DENND6B: variants seen among roughly 807,000 people sequenced by gnomAD.
DENND6B encodes DENN domain containing 6B.
Under a neutral mutation model 85.1 loss-of-function variants are expected in DENND6B, and 73 were observed. The ratio of observed to expected loss-of-function variants is 0.86; its 90% CI spans 0.71 to 1.04. The LOEUF is 1.04. DENND6B is among the 50% of genes least tolerant of loss of function. The pLI, the probability that DENND6B is intolerant of heterozygous loss-of-function variation, is 0.00. For synonymous variants in DENND6B, 357 were observed against 329.3 expected (o/e 1.08, Z -0.91); for missense variants, 715 against 785.8 (o/e 0.91, Z 1.08).
intron 13 of DENND6B, 81 bp from the exon 14 acceptor site, chr22:50,313,959 TG>T (rs1026950250): frequency 3.2e-5 from 47 of 1,475,904 alleles, no homozygotes; most frequent in Non-Finnish European, 4.0e-5. Flanking sequence ...GGAGCCAGGG[TG>T]GGGGTCTCAT....
rs771435103 is a variant in DENND6B at position 50,314,264 on chromosome 22, G to A, written c.1081C>T (p.Pro361Ser). 6.2e-7 allele frequency: 1 copy of A among 1,609,638 alleles called. No homozygotes were observed. The highest frequency in any genetic ancestry group is 8.5e-7 in the Non-Finnish European group (1 of 1,179,246). The change falls in exon 13 of 20, where the codon CCT becomes TCT. Residue 361 changes from proline (P) to serine (S), a missense_variant. Transcript: ENST00000413817. The stretch of plus-strand genomic sequence containing the variant: ...GGCTTTTTCAGCTTGACTTGCTTAG[G>A]CAGGTCTCCTACGAGACACGCCCGG... ...VGEPKMSGDLPKQVKLKKPSR... is the reference protein window; with the variant it reads ...VGEPKMSGDLSKQVKLKKPSR...
At position 50,319,101 on chromosome 22, in the gene DENND6B, G is replaced by C. The variant is rs1466022980; in HGVS notation, c.178-98C>G. On this transcript the variant is annotated intron_variant, in intron 1 of 19. Coordinates refer to ENST00000413817, the MANE Select transcript of DENND6B (RefSeq NM_001001794.4). ...GACTGTGACCGTCCCAGCAGCTGCA[G>C]CATCTGTCTGTGGGGCGCAGGTCAG... 4 of 1,545,148 alleles carry C rather than the reference G, an allele frequency of 2.6e-6. No homozygotes were observed. In the African/African-American group the frequency reaches 5.5e-5, roughly 21 times the overall value.
At chr22:50,320,276 T>C (rs984059820) in intron 1 of DENND6B, among the ~76,000 whole-genome samples, 4 of 152,232 alleles carry the variant, frequency 2.6e-5, no homozygotes, top group Non-Finnish European at 5.9e-5. Context: ...TGGAGCGCAA[T>C]GGCACAATCA....
chr22:50,320,890 G>A (rs540543832), intron 1 of DENND6B, among the ~76,000 whole-genome samples: 1 of 152,328 alleles, frequency 6.6e-6, no homozygotes, highest in Non-Finnish European at 1.5e-5. Context: ...CACATTCTCA[G>A]GCTCATCCTT....
At position 50,318,904 on chromosome 22, in the gene DENND6B, A is replaced by G; in HGVS notation, c.217-15T>C. 6.2e-7 allele frequency: 1 copy of G among 1,611,786 alleles called. No individual in the cohort carries two copies. The highest frequency in any genetic ancestry group is 8.5e-7 in the Non-Finnish European group (1 of 1,179,330). ...ATGCTGCTTTTCTGAAACATATAAA[A>G]CCCCGGTGAGGGCCGACCCACTCCT... On this transcript the variant is annotated splice_polypyrimidine_tract_variant and intron_variant, in intron 2 of 19. Coordinates refer to ENST00000413817, the MANE Select transcript of DENND6B (RefSeq NM_001001794.4).
chr22:50,323,973 G>A (rs1169287742), intron 1 of DENND6B, among the ~76,000 whole-genome samples: 1 of 152,104 alleles, frequency 6.6e-6, no homozygotes, highest in Non-Finnish European at 1.5e-5. Context: ...GGCCTCAAGT[G>A]ATCCTCCTGC....
Position 50,318,860 on chromosome 22 carries a change from G to A in DENND6B, c.246C>T (p.Pro82=), listed in dbSNP as rs774365474. 5.0e-6 allele frequency: 8 copies of A among 1,613,222 alleles called. No individual in the cohort carries two copies. The East Asian group carries it at 1.1e-4, about 22-fold the overall frequency. Residue 82 remains proline, a synonymous_variant, in exon 3 of 20, where the codon CCC becomes CCT. Transcript: ENST00000413817. ...GGGGTTGCCTACCTGAGTGCGAGTC[G>A]GGAAAAGACAGGTAGCAGATGCTGC... The part of the protein sequence containing the change: ...EKSSICYLSF[P]DSHSGCLGDT...
chr22:50,318,404 T>C (rs774808767), intron 3 of DENND6B, among the ~76,000 whole-genome samples: 10 of 152,204 alleles, frequency 6.6e-5, no homozygotes, highest in Non-Finnish European at 1.3e-4. Flanking sequence ...AATGGGCTCC[T>C]ATTCTGACTT....
intron 12 of DENND6B, 59 bp from the exon 13 acceptor site, chr22:50,314,331 G>A (rs1453615006): frequency 1.3e-6 from 2 of 1,587,998 alleles, no homozygotes; most frequent in Non-Finnish European, 1.7e-6. Context: ...ATCCCCACGG[G>A]CTCTGAGGCG....
chr22:50,324,668 T>C (rs2042143531), intron 1 of DENND6B, among the ~76,000 whole-genome samples: 1 of 151,924 alleles, frequency 6.6e-6, no homozygotes, highest in Non-Finnish European at 1.5e-5. Context: ...AGGTGATCTG[T>C]CCGCCTCGGC....
rs2147779038 is a variant in DENND6B, at chr22:50,317,277, T to G, written c.453+16A>C. On this transcript the variant is annotated intron_variant, in intron 5 of 19. Transcript: ENST00000413817. ...CCGCTCTTGAGGTGCCAGCCCAGAG[T>G]GGCCAAGCAGCGCACCTTCTGGAAG... The G allele has an allele frequency of 6.2e-7, 1 of 1,611,376 alleles. No homozygotes were observed. The highest frequency in any genetic ancestry group is 1.1e-5 in the South Asian group (1 of 91,038).
chr22:50,313,855 G>T lies in DENND6B; in HGVS notation c.1162C>A (p.His388Asn). 6.2e-7 allele frequency: 1 copy of T among 1,611,544 alleles called. No homozygotes were observed. Among genetic ancestry groups the T allele is most frequent in the South Asian group, 1.1e-5 (1 of 90,966 alleles). The change falls in exon 14 of 20, where the codon CAC becomes AAC. Residue 388 changes from histidine to asparagine, a missense_variant. Transcript: ENST00000413817. ...AGCAGCGCCTTGTCGCGGTGGAGGT[G>T]GGCCGTGTAAGCGGTGTAGAGGCCT... ...KPGLYTAYTA[H>N]LHRDKALLKR... is the part of the protein sequence containing the mutation.
chr22:50,310,082 C>G lies in DENND6B; in HGVS notation c.*2057G>C, dbSNP rs1217013622. 1.3e-5 allele frequency: 2 copies of G among 152,296 alleles called. No homozygotes were observed. Among genetic ancestry groups the G allele is most frequent in the African/African-American group, 2.4e-5 (1 of 41,472 alleles). 9.4% of individuals were successfully genotyped at this position (152,296 alleles called of 1,614,324 possible). A position where few individuals can be genotyped will look rare whatever the true frequency, so the allele number is the denominator to read the frequency against. ...CCTGTACTGGCCCCCCAGGCCCCAT[C>G]TTATGGAGGTCAGCATTCAAGCTGC... On this transcript the variant is annotated 3_prime_UTR_variant, in exon 20 of 20. Coordinates refer to ENST00000413817, the MANE Select transcript of DENND6B (RefSeq NM_001001794.4).
intron 5 of DENND6B, 180 bp downstream of exon 5, chr22:50,317,113 G>C (rs550276777): frequency 2.0e-6 from 1 of 490,332 alleles, no homozygotes; most frequent in Non-Finnish European, 3.6e-6. Flanking sequence ...AGGACAGGGT[G>C]GGGGGCGGCG....
At chr22:50,315,626 TCACA>T (rs2041785290) in intron 9 of DENND6B, 84 bp downstream of exon 9, 1 of 593,416 alleles carries the variant, frequency 1.7e-6, no homozygotes. Context: ...ACACACATAC[TCACA>T]CACAGATGCA....
At position 50,312,370 on chromosome 22, in the gene DENND6B, G is replaced by A. The variant is rs758994094; in HGVS notation, c.1608C>T (p.Asp536=). Residue 536 remains aspartate, a synonymous_variant, in exon 19 of 20, where the codon GAC becomes GAT. Transcript: ENST00000413817. ...MKDKSEVEVV[D]LVLKLREKLV... ...GCTTCTCACGAAGTTTCAGGACCAGGTCCACGACCTCCACCTCGGACTTGT... is the reference window on the plus strand; with the variant it reads ...GCTTCTCACGAAGTTTCAGGACCAGATCCACGACCTCCACCTCGGACTTGT... 1 of 1,611,970 alleles carries A rather than the reference G, an allele frequency of 6.2e-7. No individual in the cohort carries two copies. The highest frequency in any genetic ancestry group is 1.1e-5 in the South Asian group (1 of 90,822).
At chr22:50,314,776 C>A (rs768796524) in intron 10 of DENND6B, 23 bp downstream of exon 10, 5 of 1,591,734 alleles carry the variant, frequency 3.1e-6, no homozygotes, top group Admixed American at 3.6e-5. Context: ...GCTTCCCCAG[C>A]CGGGACCGGG....
At position 50,314,240 on chromosome 22, in the gene DENND6B, G is replaced by A. The variant is rs1356431588; in HGVS notation, c.1105C>T (p.Pro369Ser). Residue 369 changes from proline (P) to serine (S), a missense_variant, in exon 13 of 20, where the codon CCT (proline) becomes TCT (serine). Coordinates refer to ENST00000413817, the MANE Select transcript of DENND6B (RefSeq NM_001001794.4). ...DLPKQVKLKK[P>S]SRLKTLDTKP... ...GTGTCCAGGGTCTTCAACCTTGAAGGCTTTTTCAGCTTGACTTGCTTAGGC... is the reference window on the plus strand; with the variant it reads ...GTGTCCAGGGTCTTCAACCTTGAAGACTTTTTCAGCTTGACTTGCTTAGGC... The A allele has an allele frequency of 1.9e-6, 3 of 1,609,132 alleles. No individual in the cohort carries two copies. Among genetic ancestry groups the A allele is most frequent in the African/African-American group, 1.3e-5 (1 of 74,916 alleles).
chr22:50,324,825 CCT>C (rs1463895129), intron 1 of DENND6B, among the ~76,000 whole-genome samples: 1 of 152,216 alleles, frequency 6.6e-6, no homozygotes, highest in Non-Finnish European at 1.5e-5. Flanking sequence ...GACCCCCTCC[CCT>C]GTCTCTTCTC....
Sources: gnomAD v4.1 joint callset for allele counts (sites outside exome capture counted in the v4.1 genomes callset) on GRCh38, gnomAD v4.1.1 for gene constraint, MANE v1.5 for transcripts, NCBI Gene and HGNC (gene_info 2026-07-23, HGNC 2026-07-21) for gene names.